Variants in PAK3 observed in about 807,000 individuals in gnomAD.
PAK3 encodes serine/threonine-protein kinase PAK 3.
In PAK3, 4 loss-of-function variants were observed where a neutral mutation model predicts 41.0. That is an observed-to-expected ratio of 0.10 (90% CI 0.05 to 0.22). PAK3 has a LOEUF of 0.22. PAK3 is among the 10% of genes least tolerant of loss of function. The pLI, the probability that PAK3 is intolerant of heterozygous loss-of-function variation, is 1.00. For missense variants in PAK3, 205 were observed against 409.9 expected, an observed-to-expected ratio of 0.50 and a Z score of 4.32; for synonymous variants, 146 against 139.6, an observed-to-expected ratio of 1.05 and a Z score of -0.32.
At chrX:111,134,464 T>C (rs1256470584) in intron 5 of PAK3, among the ~76,000 whole-genome samples, 1 of 112,254 alleles carries the variant, frequency 8.9e-6, no homozygotes, top group East Asian at 2.8e-4. Flanking sequence ...ATGAAGGTCA[T>C]TCATTCATCC....
At chrX:111,074,947 A>G (rs1213973729) in intron 1 of PAK3, among the ~76,000 whole-genome samples, 3 of 112,015 alleles carry the variant, frequency 2.7e-5, no homozygotes, top group Non-Finnish European at 5.6e-5. Flanking sequence ...TTTGAACCCA[A>G]GAGTGATGAC....
At chrX:111,020,005 T>A (rs1037262063) in intron 1 of PAK3, among the ~76,000 whole-genome samples, 1 of 111,965 alleles carries the variant, frequency 8.9e-6, no homozygotes, top group Admixed American at 9.5e-5. Flanking sequence ...GAAAATGGTA[T>A]GATAATTCCT....
At chrX:111,028,331 GAA>G (rs1412407927) in intron 1 of PAK3, among the ~76,000 whole-genome samples, 8 of 109,289 alleles carry the variant, frequency 7.3e-5, no homozygotes, top group African/African-American at 2.0e-4. Context: ...AAAAATATCG[GAA>G]ATCACCACTA....
intron 11 of PAK3, among the ~76,000 whole-genome samples, chrX:111,185,173 T>C (rs2094497765): frequency 8.9e-6 from 1 of 112,418 alleles, no homozygotes; most frequent in East Asian, 2.8e-4. Flanking sequence ...TTTAGTATGT[T>C]TGTTGACCGC....
chrX:111,148,290 A>G (rs1346762754), intron 7 of PAK3, among the ~76,000 whole-genome samples: 1 of 112,092 alleles, frequency 8.9e-6, no homozygotes, highest in Admixed American at 9.4e-5. Flanking sequence ...ATGATGACAC[A>G]GCACACTGTT....
At chrX:111,016,609 C>T (rs2092093551) in intron 1 of PAK3, among the ~76,000 whole-genome samples, 2 of 110,709 alleles carry the variant, frequency 1.8e-5, no homozygotes, top group African/African-American at 6.6e-5. Flanking sequence ...CCAAGAGTAA[C>T]CATTAATGCA....
chrX:111,019,663 T>G (rs757136080), intron 1 of PAK3, among the ~76,000 whole-genome samples: 63 of 82,540 alleles, frequency 7.6e-4, no homozygotes, highest in African/African-American at 2.6e-3. Context: ...GCAATCCAGC[T>G]TGGGTGACAG....
At chrX:111,056,673 C>T (rs1185866309) in intron 1 of PAK3, among the ~76,000 whole-genome samples, 1 of 112,087 alleles carries the variant, frequency 8.9e-6, no homozygotes, top group Non-Finnish European at 1.9e-5. Flanking sequence ...AAGATCTTGT[C>T]ATATACATAT....
chrX:110,996,922 A>G (rs1178156304), intron 1 of PAK3, among the ~76,000 whole-genome samples: 1 of 112,094 alleles, frequency 8.9e-6, no homozygotes, highest in East Asian at 2.8e-4. Context: ...GGAGAAAAGT[A>G]AACTAGATAA....
rs147759668 is a variant in PAK3 at position 111,070,928 on chromosome X, C to T, written c.-27-52149C>T. ...GCCCCTGGTAGGGAGAATTTTCATA[C>T]CTGACTCCCATAATTGAGGGCAGAT... is the stretch of plus-strand genomic sequence containing the variant. On this transcript the variant is annotated intron_variant, in intron 1 of 14. Coordinates refer to the PAK3 transcript ENST00000425146. Among the ~76,000 whole-genome samples, 760 of 112,003 alleles carry T rather than the reference C, an allele frequency of 6.8e-3. 3 individuals carry two copies. Among genetic ancestry groups the T allele is most frequent in the Non-Finnish European group, 9.2e-3 (490 of 53,200 alleles).
chrX:111,045,879 T>A (rs1405156407), intron 1 of PAK3, among the ~76,000 whole-genome samples: 1 of 111,657 alleles, frequency 9.0e-6, no homozygotes, highest in African/African-American at 3.3e-5. Flanking sequence ...GGTCTGGGGC[T>A]CCATTGGACA....
chrX:111,176,798 T>C (rs61659384), intron 11 of PAK3, among the ~76,000 whole-genome samples: 7,498 of 111,422 alleles, frequency 0.067, 640 homozygotes, highest in African/African-American at 0.23. Context: ...TGTCATAATA[T>C]AAAATCAAGA....
chrX:111,048,633 C>T (rs944114344), intron 1 of PAK3, among the ~76,000 whole-genome samples: 3 of 111,684 alleles, frequency 2.7e-5, no homozygotes, highest in African/African-American at 9.8e-5. Context: ...CCTATTTTCT[C>T]CCACCCAACA....
intron 10 of PAK3, among the ~76,000 whole-genome samples, chrX:111,164,233 G>A (rs986379730): frequency 3.6e-5 from 4 of 110,838 alleles, no homozygotes; most frequent in African/African-American, 9.8e-5. Flanking sequence ...GTACATGCTC[G>A]TGTGTACACA....
rs180787536 is a variant in PAK3, at chrX:111,000,666, T to A, written c.-28+56038T>A. 5.3e-3 allele frequency among the ~76,000 whole-genome samples: 595 copies of A among 112,042 alleles called. 2 individuals are homozygous for A. The highest frequency in any genetic ancestry group is 6.3e-3 in the Non-Finnish European group (337 of 53,238). On this transcript the variant is annotated intron_variant, in intron 1 of 14. Coordinates refer to the PAK3 transcript ENST00000425146. ...CTGGTTTCAATAATCTTAGTATTAT[T>A]ATGTTAAGGTGTTAAGATTACAGGA...
chrX:110,988,862 G>A (rs1047281182), intron 1 of PAK3, among the ~76,000 whole-genome samples: 5 of 111,915 alleles, frequency 4.5e-5, no homozygotes, highest in Non-Finnish European at 9.4e-5. Flanking sequence ...AATGCATCTG[G>A]GTTTATGGGA....
intron 1 of PAK3, among the ~76,000 whole-genome samples, chrX:111,084,372 T>C (rs1483871041): frequency 8.9e-6 from 1 of 112,696 alleles, no homozygotes; most frequent in Non-Finnish European, 1.9e-5. Context: ...ATTGATTTAC[T>C]GGATTTAATG....
chrX:111,106,575 A>C (rs1401335852), intron 4 of PAK3, among the ~76,000 whole-genome samples: 2 of 111,006 alleles, frequency 1.8e-5, no homozygotes, highest in Non-Finnish European at 3.8e-5. Context: ...ATTGATTCAC[A>C]CATACTGCTA....
At chrX:111,126,903 G>A (rs2093655876) in intron 5 of PAK3, among the ~76,000 whole-genome samples, 1 of 110,764 alleles carries the variant, frequency 9.0e-6, no homozygotes, top group African/African-American at 3.3e-5. Context: ...AACTAAGTTG[G>A]TATTTTTCTT....
Sources: gnomAD v4.1 joint callset for allele counts (sites outside exome capture counted in the v4.1 genomes callset) on GRCh38, gnomAD v4.1.1 for gene constraint, MANE v1.5 for transcripts, NCBI Gene and HGNC (gene_info 2026-07-23, HGNC 2026-07-21) for gene names.